Variants in TBCCD1 observed in about 807,000 individuals in gnomAD.
TBCCD1 encodes TBCC domain containing 1.
A neutral mutation model predicts 53.4 loss-of-function variants in TBCCD1; 26 were observed. That is an observed-to-expected ratio of 0.49 (90% CI 0.36 to 0.68). TBCCD1 has a LOEUF of 0.68. TBCCD1 is among the 30% of genes least tolerant of loss of function. The pLI, the probability that TBCCD1 is intolerant of heterozygous loss-of-function variation, is 0.00. For synonymous variants in TBCCD1, 245 were observed against 241.7 expected (o/e 1.01, Z -0.13); for missense variants, 558 against 669.5 (o/e 0.83, Z 1.84).
In TBCCD1 at chr3:186,556,701, T is replaced by C; in HGVS notation, c.567A>G (p.Pro189=). ...AATGAAATGATGCAGTGAGTTGTTT[T>C]GGATCTAAAAGCAGCTCGAGGAGAT... The part of the protein sequence containing the change: ...LSDLLELLLD[P]KQLTASFHST... The change falls in exon 4 of 8, where the codon CCA becomes CCG. Residue 189 remains proline (P), a synonymous_variant. Coordinates refer to ENST00000338733, the MANE Select transcript of TBCCD1 (RefSeq NM_018138.5). 1 of 1,614,202 alleles carries C rather than the reference T, an allele frequency of 6.2e-7. No homozygotes were observed. Among genetic ancestry groups the C allele is most frequent in the South Asian group, 1.1e-5 (1 of 91,088 alleles).
rs1369218688 is a variant in TBCCD1 at position 186,551,126 on chromosome 3, T to C, written c.*21+3A>G. The stretch of plus-strand genomic sequence containing the variant: ...ATCTGTTTTAAGTGGTATAAATGCC[T>C]ACCAGTGTCTGCATGTAAGATCCTT... On this transcript the variant is annotated splice_donor_region_variant and intron_variant, in intron 7 of 7. Transcript: ENST00000338733. 1.9e-6 allele frequency: 3 copies of C among 1,604,104 alleles called. No individual in the cohort carries two copies. Among genetic ancestry groups the C allele is most frequent in the Non-Finnish European group, 2.5e-6 (3 of 1,177,650 alleles).
At chr3:186,555,274 G>C (rs1433158002) in intron 4 of TBCCD1, among the ~76,000 whole-genome samples, 190 bp from the exon 5 acceptor site, 3 of 151,992 alleles carry the variant, frequency 2.0e-5, no homozygotes, top group African/African-American at 4.8e-5. Context: ...TGTATGTTTG[G>C]AATTTTCATT....
chr3:186,570,384 C>G, upstream of TBCCD1: 3 of 484,034 alleles, frequency 6.2e-6, no homozygotes, highest in Non-Finnish European at 7.3e-6. Context: ...GGGGAGGAAG[C>G]TCCTGATTGG....
In TBCCD1 at chr3:186,554,976, C is replaced by G. The variant is rs751945370; in HGVS notation, c.968G>C (p.Ser323Thr). Residue 323 changes from serine to threonine, a missense_variant, in exon 5 of 8, where the codon AGC (serine) becomes ACC (threonine). Ser to Thr is a moderately conservative substitution (Grantham distance 58). Coordinates refer to ENST00000338733, the MANE Select transcript of TBCCD1 (RefSeq NM_018138.5). ...SQVYKQTLAK[S>T]SDTLAGAHVK... ...ATGTGCCCCCGCCAGAGTGTCTGAG[C>G]TCTTAGCCAGTGTCTGCTTGTAAAC... The G allele has an allele frequency of 4.0e-5, 64 of 1,613,860 alleles. No individual in the cohort carries two copies. The African/African-American group carries it at 5.6e-4, about 14-fold the overall frequency.
chr3:186,560,938 T>C (rs1363411029), intron 2 of TBCCD1, among the ~76,000 whole-genome samples: 6 of 152,090 alleles, frequency 3.9e-5, no homozygotes, highest in African/African-American at 1.4e-4. Flanking sequence ...AAGAATGAAA[T>C]TGGGACCATA....
Position 186,546,262 on chromosome 3 carries a change from A to G in TBCCD1, c.*715T>C, listed in dbSNP as rs1253294626. ...TAGCAATTTCCTTTTAAATAGTTACAAAGAACTATAAAACTCTTATTTAAC... is the reference window on the plus strand; with the variant it reads ...TAGCAATTTCCTTTTAAATAGTTACGAAGAACTATAAAACTCTTATTTAAC... On this transcript the variant is annotated 3_prime_UTR_variant, in exon 8 of 8. Coordinates refer to ENST00000338733, the MANE Select transcript of TBCCD1 (RefSeq NM_018138.5). 1 of 152,184 alleles carries G rather than the reference A, an allele frequency of 6.6e-6. No homozygotes were observed. The highest frequency in any genetic ancestry group is 2.4e-5 in the African/African-American group (1 of 41,458). The allele number at this position is 152,184 out of a possible 1,614,324, so 9.4% of individuals were successfully genotyped here.
chr3:186,547,786 T>C (rs1270737663), intron 7 of TBCCD1, among the ~76,000 whole-genome samples: 1 of 151,936 alleles, frequency 6.6e-6, no homozygotes, highest in Non-Finnish European at 1.5e-5. Flanking sequence ...TTTTGTATTT[T>C]TTAGTAGAGA....
chr3:186,566,342 G>A (rs1714829839), intron 1 of TBCCD1, among the ~76,000 whole-genome samples: 1 of 152,128 alleles, frequency 6.6e-6, no homozygotes, highest in Admixed American at 6.5e-5. Flanking sequence ...CACCCGGCCT[G>A]CCAACTGTGC....
At chr3:186,547,257 T>A (rs1320765280) in intron 7 of TBCCD1, among the ~76,000 whole-genome samples, 3 of 97,600 alleles carry the variant, frequency 3.1e-5, no homozygotes, top group African/African-American at 5.9e-5. Context: ...AGATTTGTAA[T>A]TTTTTTTTTT....
chr3:186,558,211 A>G (rs1352844023), intron 3 of TBCCD1, among the ~76,000 whole-genome samples: 1 of 152,226 alleles, frequency 6.6e-6, no homozygotes, highest in Non-Finnish European at 1.5e-5. Context: ...TTTTCCTACC[A>G]GTGAAGGCAC....
chr3:186,567,834 G>C (rs1714883748), upstream of TBCCD1, among the ~76,000 whole-genome samples: 3 of 152,290 alleles, frequency 2.0e-5, 1 homozygote, highest in South Asian at 6.2e-4. Flanking sequence ...AGCCCAGGGC[G>C]TCTGAAGCAA....
intron 7 of TBCCD1, among the ~76,000 whole-genome samples, chr3:186,549,765 C>G (rs775916285): frequency 6.6e-6 from 1 of 152,154 alleles, no homozygotes. Context: ...TAGTGGTAAA[C>G]GAAATGTTTT....
upstream of TBCCD1, chr3:186,570,332 T>G (rs1032584356): frequency 3.4e-5 from 18 of 529,024 alleles, no homozygotes; most frequent in Non-Finnish European, 2.7e-5. Flanking sequence ...ATTCCGGGCT[T>G]GTAGCACAGA....
intron 1 of TBCCD1, among the ~76,000 whole-genome samples, 166 bp from the exon 2 acceptor site, chr3:186,564,538 A>G (rs1273395842): frequency 6.6e-6 from 1 of 152,200 alleles, no homozygotes; most frequent in African/African-American, 2.4e-5. Flanking sequence ...TTTTAATCAG[A>G]TCTCATTATA....
intron 1 of TBCCD1, among the ~76,000 whole-genome samples, chr3:186,565,109 C>CTTTTTTTT (rs370017010): frequency 6.4e-5 from 8 of 124,764 alleles, no homozygotes; most frequent in African/African-American, 1.2e-4. Flanking sequence ...TCTTCTTCTT[C>CTTTTTTTT]TTTTTTTTTT....
upstream of TBCCD1, among the ~76,000 whole-genome samples, chr3:186,568,488 C>T (rs1714900267): frequency 6.6e-6 from 1 of 152,116 alleles, no homozygotes; most frequent in African/African-American, 2.4e-5. Flanking sequence ...TACTTCAGCA[C>T]CTACTCCATG....
intron 3 of TBCCD1, among the ~76,000 whole-genome samples, chr3:186,557,469 G>A (rs1714575509): frequency 6.6e-6 from 1 of 152,158 alleles, no homozygotes; most frequent in Non-Finnish European, 1.5e-5. Context: ...TCATACATCT[G>A]GGCTTGAACA....
At chr3:186,555,787 C>T (rs2108458431) in intron 4 of TBCCD1, among the ~76,000 whole-genome samples, 1 of 152,150 alleles carries the variant, frequency 6.6e-6, no homozygotes, top group Admixed American at 6.5e-5. Flanking sequence ...TCGAACTCCT[C>T]ACCTTCCGCC....
chr3:186,560,447 T>C (rs1714662719), intron 2 of TBCCD1, among the ~76,000 whole-genome samples: 1 of 152,234 alleles, frequency 6.6e-6, no homozygotes, highest in Non-Finnish European at 1.5e-5. Flanking sequence ...TGTAATTAGA[T>C]GGCATTTCCC....
Sources: allele counts gnomAD v4.1 joint callset (sites outside exome capture counted in the v4.1 genomes callset), GRCh38; gene constraint gnomAD v4.1.1; transcripts MANE v1.5; gene names NCBI Gene and HGNC (gene_info 2026-07-23, HGNC 2026-07-21).